The following UBN2 variants were observed in gnomAD, a reference collection of about 807,000 sequenced individuals.
The protein encoded by UBN2 is ubinuclein-2.
UBN2 carries 35 observed loss-of-function variants against 120.2 expected under a neutral mutation model. That is an observed-to-expected ratio of 0.29 (90% CI 0.22 to 0.39). UBN2 has a LOEUF of 0.39. UBN2 is among the 10% of genes least tolerant of loss of function. The pLI, the probability that UBN2 is intolerant of heterozygous loss-of-function variation, is 1.00. For synonymous variants in UBN2, 661 were observed against 648.7 expected (o/e 1.02, Z -0.29); for missense variants, 1,693 against 1,663.2 (o/e 1.02, Z -0.31).
At chr7:139,279,547 T>C (rs961449094) in intron 13 of UBN2, among the ~76,000 whole-genome samples, 187 bp downstream of exon 13, 1 of 152,208 alleles carries the variant, frequency 6.6e-6, no homozygotes, top group African/African-American at 2.4e-5. Context: ...CAGTGGGGAA[T>C]ATGCATACAC....
chr7:139,246,488 A>G (rs1584990903), intron 2 of UBN2, among the ~76,000 whole-genome samples: 1 of 152,356 alleles, frequency 6.6e-6, no homozygotes, highest in East Asian at 1.9e-4. Context: ...ATGGTTAATC[A>G]TGGCAACAAA....
the UBN2 span, among the ~76,000 whole-genome samples, chr7:139,320,789 G>A: frequency 1.3e-5 from 2 of 151,400 alleles, no homozygotes; most frequent in African/African-American, 2.4e-5. Context: ...CCGGGAGGCG[G>A]AGGTTGCAGT....
intron 12 of UBN2, chr7:139,276,998 GGTTGTAGTAAGTGGAGATCAT>G (rs989915051): frequency 6.6e-6 from 1 of 152,164 alleles, no homozygotes; most frequent in Non-Finnish European, 1.5e-5. Flanking sequence ...GAGAGGCGGA[GGTTGTAGTAAGTGGAGATCAT>G]GCCACCGCCC....
chr7:139,236,018 T>C (rs1360377703), intron 1 of UBN2, among the ~76,000 whole-genome samples: 1 of 152,220 alleles, frequency 6.6e-6, no homozygotes, highest in Non-Finnish European at 1.5e-5. Context: ...GTAGTATACC[T>C]TCCTTTTTAA....
At chr7:139,291,787 G>C (rs1279138419) in intron 15 of UBN2, among the ~76,000 whole-genome samples, 1 of 151,508 alleles carries the variant, frequency 6.6e-6, no homozygotes, top group Non-Finnish European at 1.5e-5. Context: ...CCAGGAGTTT[G>C]AGTCTGCCAT....
intron 2 of UBN2, among the ~76,000 whole-genome samples, chr7:139,243,781 T>C (rs1796386603): frequency 6.6e-6 from 1 of 152,150 alleles, no homozygotes; most frequent in South Asian, 2.1e-4. Context: ...GATTGTGCCT[T>C]ATAGTTGGCA....
intron 7 of UBN2, 122 bp from the exon 8 acceptor site, chr7:139,269,272 A>G: frequency 1.1e-6 from 1 of 937,958 alleles, no homozygotes; most frequent in Non-Finnish European, 1.5e-6. Context: ...TCCATGAAGA[A>G]TACTGTTTAG....
intron 13 of UBN2, among the ~76,000 whole-genome samples, chr7:139,281,516 A>C (rs1316505890): frequency 6.6e-6 from 1 of 152,122 alleles, no homozygotes; most frequent in African/African-American, 2.4e-5. Context: ...CCGTCCATCC[A>C]TACATCCATC....
At chr7:139,322,299 C>G in the UBN2 span, among the ~76,000 whole-genome samples, 18 of 151,874 alleles carry the variant, frequency 1.2e-4, no homozygotes, top group African/African-American at 3.4e-4. Flanking sequence ...GTAAAATAAA[C>G]AAACAAACAA....
intron 15 of UBN2, among the ~76,000 whole-genome samples, chr7:139,286,717 T>C (rs1407083519): frequency 6.6e-6 from 1 of 152,224 alleles, no homozygotes; most frequent in Non-Finnish European, 1.5e-5. Flanking sequence ...TAACTTTTAT[T>C]TATTTATGGA....
intron 1 of UBN2, among the ~76,000 whole-genome samples, chr7:139,235,654 A>T (rs1246807468): frequency 6.6e-6 from 1 of 152,106 alleles, no homozygotes; most frequent in Admixed American, 6.6e-5. Context: ...TGATCCACCC[A>T]CCTTGGCCTC....
In UBN2 at chr7:139,307,348, A is replaced by G. The variant is rs1298403470; in HGVS notation, c.*9512A>G. 1 of 152,086 alleles carries G rather than the reference A, an allele frequency of 6.6e-6. No individual in the cohort carries two copies. Among genetic ancestry groups the G allele is most frequent in the East Asian group, 1.9e-4 (1 of 5,196 alleles). 9.4% of individuals were successfully genotyped at this position (152,086 alleles called of 1,614,324 possible). ...CCTCCTTTAAAAACTGGACCTGAAC[A>G]CAAGCTTTGAGTTGATGTTTGTAAT... On this transcript the variant is annotated 3_prime_UTR_variant, in exon 18 of 18. Coordinates refer to ENST00000473989, the MANE Select transcript of UBN2 (RefSeq NM_173569.4).
intron 15 of UBN2, among the ~76,000 whole-genome samples, chr7:139,289,757 A>G (rs1018956264): frequency 6.6e-6 from 1 of 151,980 alleles, no homozygotes; most frequent in East Asian, 1.9e-4. Flanking sequence ...TCCTTCAGAA[A>G]AGCTTTAAAA....
intron 13 of UBN2, among the ~76,000 whole-genome samples, chr7:139,280,208 T>G (rs539017432): frequency 6.6e-6 from 1 of 152,280 alleles, no homozygotes; most frequent in Non-Finnish European, 1.5e-5. Flanking sequence ...AATAAGTTAC[T>G]ATGAGTGAGA....
Position 139,300,499 on chromosome 7 carries a change from T to G in UBN2, c.*2663T>G, listed in dbSNP as rs1354359186. ...AACAAACATATAAATTGGTTATTTT[T>G]TAGCACAGAGACTTGTGACTCATAC... On this transcript the variant is annotated 3_prime_UTR_variant, in exon 18 of 18. Coordinates refer to ENST00000473989, the MANE Select transcript of UBN2 (RefSeq NM_173569.4). 1 of 152,226 alleles carries G rather than the reference T, an allele frequency of 6.6e-6. No homozygotes were observed. Among genetic ancestry groups the G allele is most frequent in the East Asian group, 1.9e-4 (1 of 5,208 alleles). 9.4% of individuals were successfully genotyped at this position (152,226 alleles called of 1,614,324 possible).
chr7:139,257,962 C>T (rs986508319), intron 3 of UBN2, among the ~76,000 whole-genome samples: 3 of 151,304 alleles, frequency 2.0e-5, no homozygotes, highest in Admixed American at 1.3e-4. Context: ...TCAGTCGAGA[C>T]AGGATTTCAC....
At chr7:139,326,839 G>A in the UBN2 span, among the ~76,000 whole-genome samples, 3 of 152,096 alleles carry the variant, frequency 2.0e-5, no homozygotes, top group African/African-American at 7.2e-5. Flanking sequence ...CCAGCCCAGG[G>A]CCACTGTGTC....
rs1798202400 is a variant in UBN2, at chr7:139,299,431, A to G, written c.*1595A>G. ...TTTCTTTTATACACAAAAGTCCCAGATACCCTACAGGACTGTGAATAAATA... is the reference window on the plus strand; with the variant it reads ...TTTCTTTTATACACAAAAGTCCCAGGTACCCTACAGGACTGTGAATAAATA... On this transcript the variant is annotated 3_prime_UTR_variant, in exon 18 of 18. Coordinates refer to ENST00000473989, the MANE Select transcript of UBN2 (RefSeq NM_173569.4). The G allele has an allele frequency of 6.6e-6, 1 of 152,170 alleles. No homozygotes were observed. The highest frequency in any genetic ancestry group is 6.5e-5 in the Admixed American group (1 of 15,276). 9.4% of individuals were successfully genotyped at this position (152,170 alleles called of 1,614,324 possible). A position where few individuals can be genotyped will look rare whatever the true frequency, so the allele number is the denominator to read the frequency against.
intron 5 of UBN2, among the ~76,000 whole-genome samples, chr7:139,260,419 A>G (rs1434167852): frequency 6.6e-6 from 1 of 152,210 alleles, no homozygotes; most frequent in Non-Finnish European, 1.5e-5. Context: ...ATTATTAATG[A>G]TATTGCTGCT....
Sources: gnomAD v4.1 joint callset for allele counts (sites outside exome capture counted in the v4.1 genomes callset) on GRCh38, gnomAD v4.1.1 for gene constraint, MANE v1.5 for transcripts, NCBI Gene and HGNC (gene_info 2026-07-23, HGNC 2026-07-21) for gene names.